Variants in KCNIP1 observed in about 807,000 individuals in gnomAD.
KCNIP1 encodes potassium voltage-gated channel interacting protein 1.
KCNIP1 carries 18 observed loss-of-function variants against 33.0 expected under a neutral mutation model. The ratio of observed to expected loss-of-function variants is 0.55; its 90% CI spans 0.38 to 0.81. KCNIP1 has a LOEUF of 0.81. Among genes scored for constraint, KCNIP1 ranks in the 30% least tolerant of loss-of-function variants. The probability of loss-of-function intolerance (pLI) is 0.00; values close to 1 mark genes in which losing one functional copy is unlikely to be tolerated. For synonymous variants in KCNIP1, 93 were observed against 98.3 expected (o/e 0.95, Z 0.32); for missense variants, 238 against 271.6 (o/e 0.88, Z 0.87).
chr5:170,668,864 G>A (rs1761810243), intron 1 of KCNIP1, among the ~76,000 whole-genome samples: 2 of 152,184 alleles, frequency 1.3e-5, no homozygotes, highest in African/African-American at 4.8e-5. Context: ...CTGGGAAGCT[G>A]GTTTTGGGGT....
At chr5:170,655,921 A>G (rs1761246184) in intron 1 of KCNIP1, among the ~76,000 whole-genome samples, 1 of 152,180 alleles carries the variant, frequency 6.6e-6, no homozygotes, top group Non-Finnish European at 1.5e-5. Context: ...TGCATAGGAG[A>G]AAGCTTTCCA....
At chr5:170,612,759 G>A (rs549446758) in intron 1 of KCNIP1, among the ~76,000 whole-genome samples, 2 of 152,326 alleles carry the variant, frequency 1.3e-5, no homozygotes, top group South Asian at 4.1e-4. Flanking sequence ...GTAATTCAGA[G>A]AACTCAATTT....
intron 1 of KCNIP1, among the ~76,000 whole-genome samples, chr5:170,431,585 G>A (rs1052748666): frequency 6.6e-5 from 10 of 152,224 alleles, no homozygotes; most frequent in Non-Finnish European, 2.9e-5. Flanking sequence ...TCACCTGGTG[G>A]GAAAGGGTGG....
chr5:170,494,702 G>A (rs1757276088), intron 1 of KCNIP1, among the ~76,000 whole-genome samples: 1 of 152,190 alleles, frequency 6.6e-6, no homozygotes, highest in South Asian at 2.1e-4. Flanking sequence ...TCCATCCTGG[G>A]AGGGAGGATG....
At chr5:170,514,866 G>A (rs569366618) in intron 1 of KCNIP1, among the ~76,000 whole-genome samples, 7 of 152,178 alleles carry the variant, frequency 4.6e-5, no homozygotes, top group Admixed American at 2.6e-4. Flanking sequence ...CATTTAAATC[G>A]TCCTTGTGAC....
intron 1 of KCNIP1, among the ~76,000 whole-genome samples, chr5:170,410,970 T>C (rs1225835631): frequency 6.6e-6 from 1 of 152,222 alleles, no homozygotes. Context: ...GAGATGATTG[T>C]ATTTGTCAGA....
intron 1 of KCNIP1, among the ~76,000 whole-genome samples, chr5:170,456,625 A>G (rs1040423911): frequency 5.0e-4 from 75 of 151,514 alleles, no homozygotes; most frequent in African/African-American, 1.7e-3. Flanking sequence ...CAGAAAAACA[A>G]TAGAGAATAT....
chr5:170,391,815 AGTGTTTTTGAG>A (rs1754603075), intron 1 of KCNIP1, among the ~76,000 whole-genome samples: 1 of 152,192 alleles, frequency 6.6e-6, no homozygotes. Context: ...CTAGCCCCTC[AGTGTTTTTGAG>A]GAATGAGAGA....
At chr5:170,464,793 T>A (rs925935529) in intron 1 of KCNIP1, among the ~76,000 whole-genome samples, 1 of 152,292 alleles carries the variant, frequency 6.6e-6, no homozygotes, top group East Asian at 1.9e-4. Flanking sequence ...TTGGGAATCA[T>A]GGAATTCTAA....
intron 1 of KCNIP1, among the ~76,000 whole-genome samples, chr5:170,445,075 C>T (rs1385053780): frequency 6.6e-6 from 1 of 152,214 alleles, no homozygotes; most frequent in Non-Finnish European, 1.5e-5. Flanking sequence ...CTACCCTGTG[C>T]CAGTGAGGTT....
At chr5:170,588,062 C>G (rs1347021612) in intron 1 of KCNIP1, among the ~76,000 whole-genome samples, 1 of 152,214 alleles carries the variant, frequency 6.6e-6, no homozygotes. Context: ...ATCAATGTAT[C>G]CTTAATCATC....
chr5:170,424,040 T>G (rs1240464434), intron 1 of KCNIP1, among the ~76,000 whole-genome samples: 2 of 152,366 alleles, frequency 1.3e-5, no homozygotes, highest in East Asian at 1.9e-4. Context: ...ATGTAACAGC[T>G]GCTTATGTAA....
At chr5:170,647,573 T>TAA (rs56845440) in intron 1 of KCNIP1, among the ~76,000 whole-genome samples, 2 of 141,932 alleles carry the variant, frequency 1.4e-5, no homozygotes, top group African/African-American at 2.6e-5. Flanking sequence ...CCATCCACAT[T>TAA]AAAAAAAAAA....
intron 1 of KCNIP1, among the ~76,000 whole-genome samples, chr5:170,426,538 T>A (rs1755618932): frequency 6.6e-6 from 1 of 152,220 alleles, no homozygotes; most frequent in African/African-American, 2.4e-5. Context: ...GCAGATTAGT[T>A]GCCACTGGGA....
intron 1 of KCNIP1, among the ~76,000 whole-genome samples, chr5:170,567,077 G>C (rs1022233082): frequency 3.3e-5 from 5 of 152,244 alleles, no homozygotes; most frequent in African/African-American, 1.2e-4. Context: ...GATACAGTCA[G>C]GGCCTGAAGT....
At chr5:170,657,746 T>C (rs1260982264) in intron 1 of KCNIP1, among the ~76,000 whole-genome samples, 1 of 152,240 alleles carries the variant, frequency 6.6e-6, no homozygotes, top group Non-Finnish European at 1.5e-5. Context: ...TGTGTGTACC[T>C]GCAGACTGGT....
At chr5:170,501,798 C>G (rs1218114495), upstream of KCNIP1, among the ~76,000 whole-genome samples, 1 of 152,258 alleles carries the variant, frequency 6.6e-6, no homozygotes, top group Non-Finnish European at 1.5e-5. Flanking sequence ...GAGCTCTCCT[C>G]TGTTCCCTGA....
intron 1 of KCNIP1, among the ~76,000 whole-genome samples, chr5:170,418,672 G>A (rs904497877): frequency 6.6e-6 from 1 of 152,144 alleles, no homozygotes; most frequent in Non-Finnish European, 1.5e-5. Context: ...TCAGCCTGAG[G>A]TCTCCTCCTC....
At chr5:170,693,212 T>C (rs947880423) in intron 1 of KCNIP1, among the ~76,000 whole-genome samples, 8 of 151,654 alleles carry the variant, frequency 5.3e-5, no homozygotes, top group African/African-American at 1.9e-4. Context: ...CAGTGTTCTT[T>C]GTCCTCTGCT....
Sources: allele counts gnomAD v4.1 joint callset (sites outside exome capture counted in the v4.1 genomes callset), GRCh38; gene constraint gnomAD v4.1.1; transcripts MANE v1.5; gene names NCBI Gene and HGNC (gene_info 2026-07-23, HGNC 2026-07-21).